The following ANK3 variants were observed in gnomAD, a reference collection of about 807,000 sequenced individuals.
The protein encoded by ANK3 is ankyrin-3.
ANK3 carries 57 observed loss-of-function variants against 370.9 expected under a neutral mutation model. The ratio of observed to expected loss-of-function variants is 0.15; its 90% CI spans 0.12 to 0.19. The LOEUF (loss-of-function observed/expected upper bound fraction) is 0.19, where lower values mean the gene tolerates loss of function less well. Ranked by LOEUF, ANK3 falls within the 10% of genes least tolerant of loss-of-function variation. The pLI is 1.00. For missense variants in ANK3, 4,439 were observed against 5,302.1 expected (o/e 0.84, Z 5.06); for synonymous variants, 1,929 against 1,946.3 (o/e 0.99, Z 0.23).
chr10:60,697,725 C>G (rs1405269728), intron 1 of ANK3, among the ~76,000 whole-genome samples: 2 of 152,040 alleles, frequency 1.3e-5, no homozygotes, highest in Admixed American at 1.3e-4. Flanking sequence ...AACTGGATCC[C>G]TTCCTTACAC....
At chr10:60,367,803 T>C (rs1243255611) in intron 1 of ANK3, among the ~76,000 whole-genome samples, 2 of 152,222 alleles carry the variant, frequency 1.3e-5, no homozygotes, top group Non-Finnish European at 2.9e-5. Flanking sequence ...CTCTTTAAAA[T>C]GGATGCAGCA....
chr10:60,706,447 C>T (rs1431140772), intron 1 of ANK3, among the ~76,000 whole-genome samples: 2 of 152,104 alleles, frequency 1.3e-5, no homozygotes, highest in Non-Finnish European at 2.9e-5. Flanking sequence ...CCATAAACTT[C>T]ACCCCAACAC....
At chr10:60,499,184 G>A (rs2075734074) in intron 2 of ANK3, among the ~76,000 whole-genome samples, 1 of 152,100 alleles carries the variant, frequency 6.6e-6, no homozygotes, top group South Asian at 2.1e-4. Flanking sequence ...TTAGAGTCCT[G>A]GCTACTTGAC....
At chr10:60,660,976 A>C (rs114189421) in intron 1 of ANK3, among the ~76,000 whole-genome samples, 6,191 of 152,038 alleles carry the variant, frequency 0.041, 159 homozygotes, top group Middle Eastern at 0.075. Context: ...ACAACCAATC[A>C]ACTTGGAAAC....
chr10:60,068,980 G>T lies in ANK3; in HGVS notation c.11901C>A (p.Thr3967=), dbSNP rs1564747316. The T allele has an allele frequency of 6.2e-7, 1 of 1,613,784 alleles. No individual in the cohort carries two copies. Among genetic ancestry groups the T allele is most frequent in the Admixed American group, 1.7e-5 (1 of 59,974 alleles). ...TCVTTTTTTA[T]TTTTTTTTTT... ...TGGTAGTGGTGGTAGTGGTGGTGGT[G>T]GTGGCAGTGGTGGTGGTGGTAGTGA... Residue 3967 remains threonine, a synonymous_variant, in exon 37 of 44, where the codon ACC becomes ACA. Transcript: ENST00000280772.
chr10:60,244,190 A>G (rs2097519170), intron 7 of ANK3, among the ~76,000 whole-genome samples: 1 of 152,194 alleles, frequency 6.6e-6, no homozygotes, highest in African/African-American at 2.4e-5. Context: ...AAGTGAAATC[A>G]GGGCCATTTT....
intron 2 of ANK3, among the ~76,000 whole-genome samples, chr10:60,606,976 G>A (rs138488112): frequency 6.6e-6 from 1 of 152,296 alleles, no homozygotes. Flanking sequence ...TGCATATTGA[G>A]TTCAAGTCTT....
rs35837089 is a variant in ANK3, at chr10:60,528,134, C to CTTTTT, written c.96+87051_96+87052insAAAAA. Among the ~76,000 whole-genome samples the CTTTTT allele has an allele frequency of 3.5e-3, 436 of 124,222 alleles. 2 individuals carry two copies. The highest frequency in any genetic ancestry group is 4.5e-3 in the East Asian group (17 of 3,784). 81.5% of individuals were successfully genotyped at this position (124,222 alleles called of 152,430 possible). Reference sequence around the variant, plus strand: ...TTTTTTCTTTTTTTCTTTTCTTCTTCTTCTTTTTTTTTTTTTTTTGAGACA... The same window carrying CTTTTT: ...TTTTTTCTTTTTTTCTTTTCTTCTTCTTTTTTTCTTTTTTTTTTTTTTTTGAGACA... On this transcript the variant is annotated intron_variant, in intron 2 of 43. Coordinates refer to the ANK3 transcript ENST00000373827.
intron 1 of ANK3, among the ~76,000 whole-genome samples, chr10:60,691,930 A>T (rs2079358980): frequency 6.6e-6 from 1 of 152,204 alleles, no homozygotes; most frequent in African/African-American, 2.4e-5. Context: ...CCAGGAAAAG[A>T]GTTCATTCCT....
intron 2 of ANK3, among the ~76,000 whole-genome samples, chr10:60,403,596 A>G (rs1300753064): frequency 6.6e-6 from 1 of 152,156 alleles, no homozygotes; most frequent in Non-Finnish European, 1.5e-5. Flanking sequence ...TTATTTATTC[A>G]TTTAATATTG....
chr10:60,108,830 C>T lies in ANK3; in HGVS notation c.3173G>A (p.Gly1058Asp). ...GGTTAAAATTGACAAAACAACTTAC[C>T]CTAAAAATTGTGCCCCTGCAGGACC... is the stretch of plus-strand genomic sequence containing the variant. ...EMGPAGAQFL[G>D]PVIVEIPHFG... Residue 1058 changes from glycine (G) to aspartate (D), a missense_variant and splice_region_variant, in exon 27 of 44, where the codon GGC becomes GAC. This residue lies in a region of ANK3 where 702 missense variants were observed against 941.5 expected (regional missense o/e 0.75). Coordinates refer to ENST00000280772, the MANE Select transcript of ANK3 (RefSeq NM_020987.5). 6.2e-7 allele frequency: 1 copy of T among 1,612,984 alleles called. No homozygotes were observed. Among genetic ancestry groups the T allele is most frequent in the South Asian group, 1.1e-5 (1 of 91,026 alleles).
At chr10:60,581,917 T>C (rs1359724045) in intron 2 of ANK3, among the ~76,000 whole-genome samples, 2 of 152,110 alleles carry the variant, frequency 1.3e-5, no homozygotes, top group African/African-American at 4.8e-5. Flanking sequence ...GTGGCACATA[T>C]ACACCATGGA....
chr10:60,633,957 G>A (rs558956228), intron 1 of ANK3, among the ~76,000 whole-genome samples: 2 of 152,188 alleles, frequency 1.3e-5, no homozygotes, highest in South Asian at 2.1e-4. Context: ...AACATAAGAC[G>A]GACAAAGAAA....
intron 2 of ANK3, among the ~76,000 whole-genome samples, chr10:60,512,254 A>G (rs985203579): frequency 7.9e-5 from 12 of 152,122 alleles, no homozygotes; most frequent in African/African-American, 2.7e-4. Flanking sequence ...TTTTGCATCA[A>G]TGGTCTTAGT....
intron 1 of ANK3, among the ~76,000 whole-genome samples, chr10:60,691,675 A>T (rs2079355463): frequency 1.3e-5 from 2 of 152,144 alleles, no homozygotes; most frequent in African/African-American, 4.8e-5. Flanking sequence ...TTTTATTATA[A>T]AAGGTCAATT....
chr10:60,079,433 G>A (rs2084654039), intron 36 of ANK3, among the ~76,000 whole-genome samples: 1 of 152,070 alleles, frequency 6.6e-6, no homozygotes, highest in Non-Finnish European at 1.5e-5. Flanking sequence ...AGAAGATGAC[G>A]CTAAGACCAT....
At chr10:60,408,764 G>T (rs986300597) in intron 2 of ANK3, among the ~76,000 whole-genome samples, 3 of 152,084 alleles carry the variant, frequency 2.0e-5, no homozygotes, top group African/African-American at 4.8e-5. Flanking sequence ...AAACGCTTCC[G>T]TCACTGGGCC....
intron 8 of ANK3, among the ~76,000 whole-genome samples, chr10:60,221,260 A>T (rs776432989): frequency 6.6e-6 from 1 of 151,884 alleles, no homozygotes; most frequent in Non-Finnish European, 1.5e-5. Flanking sequence ...TTGTATTTTT[A>T]GTAGAGACTG....
At chr10:60,131,154 C>T (rs950215434) in intron 25 of ANK3, among the ~76,000 whole-genome samples, 1 of 152,172 alleles carries the variant, frequency 6.6e-6, no homozygotes, top group Non-Finnish European at 1.5e-5. Context: ...ATTATCAATG[C>T]TAAAATTATC....
Sources: allele counts gnomAD v4.1 joint callset (sites outside exome capture counted in the v4.1 genomes callset), GRCh38; gene constraint gnomAD v4.1.1; regional missense constraint gnomAD v4.1.1; transcripts MANE v1.5; gene names NCBI Gene and HGNC (gene_info 2026-07-23, HGNC 2026-07-21).